The following CPA6 variants were observed in gnomAD, a reference collection of about 807,000 sequenced individuals.
CPA6 encodes the protein carboxypeptidase B.
In CPA6, 58 loss-of-function variants were observed where a neutral mutation model predicts 63.3. The observed-to-expected ratio is 0.92, with a 90% confidence interval of 0.74 to 1.14. The LOEUF is 1.14. Ranked by LOEUF, CPA6 falls within the 50% of genes most tolerant of loss-of-function variation. The pLI, the probability that CPA6 is intolerant of heterozygous loss-of-function variation, is 0.00. For missense variants in CPA6, 565 were observed against 526.6 expected (o/e 1.07, Z -0.71); for synonymous variants, 185 against 179.0 (o/e 1.03, Z -0.27).
intron 2 of CPA6, among the ~76,000 whole-genome samples, chr8:67,581,352 C>A (rs979842318): frequency 6.6e-6 from 1 of 151,952 alleles, no homozygotes; most frequent in Non-Finnish European, 1.5e-5. Context: ...TGGGGACTAG[C>A]CGTAATGTAC....
At chr8:67,713,774 TAAGAG>T (rs200592032) in intron 1 of CPA6, among the ~76,000 whole-genome samples, 1,696 of 152,360 alleles carry the variant, frequency 0.011, 26 homozygotes, top group African/African-American at 0.037. Flanking sequence ...TCTTTAATTC[TAAGAG>T]AAGACAGATT....
At chr8:67,726,966 T>A (rs558108491) in intron 1 of CPA6, among the ~76,000 whole-genome samples, 2 of 152,358 alleles carry the variant, frequency 1.3e-5, no homozygotes, top group South Asian at 4.1e-4. Context: ...TGATTCTTAT[T>A]TGCAATGATT....
chr8:67,619,599 G>A (rs993002151), intron 2 of CPA6, among the ~76,000 whole-genome samples: 2 of 152,162 alleles, frequency 1.3e-5, no homozygotes. Flanking sequence ...TCCCCACATT[G>A]TTCCTATAGA....
intron 2 of CPA6, among the ~76,000 whole-genome samples, chr8:67,623,001 T>C (rs1423515418): frequency 6.6e-6 from 1 of 152,238 alleles, no homozygotes; most frequent in Non-Finnish European, 1.5e-5. Flanking sequence ...AGAAATGCTC[T>C]AACTCTAAAA....
At chr8:67,675,524 T>C (rs1816452238) in intron 1 of CPA6, among the ~76,000 whole-genome samples, 1 of 152,196 alleles carries the variant, frequency 6.6e-6, no homozygotes, top group South Asian at 2.1e-4. Context: ...CCATCAAAAC[T>C]GACTCAGTGA....
At chr8:67,701,444 G>C (rs1817022775) in intron 1 of CPA6, among the ~76,000 whole-genome samples, 1 of 152,164 alleles carries the variant, frequency 6.6e-6, no homozygotes, top group African/African-American at 2.4e-5. Context: ...TAGTTTTGAA[G>C]GGACAGATAC....
At chr8:67,568,742 GT>G (rs796072051) in intron 2 of CPA6, among the ~76,000 whole-genome samples, 18 of 151,520 alleles carry the variant, frequency 1.2e-4, no homozygotes, top group South Asian at 2.1e-4. Context: ...GGGCCAGGAA[GT>G]TTTTTTTTAT....
chr8:67,479,007 C>G (rs1384531799), intron 8 of CPA6, among the ~76,000 whole-genome samples: 1 of 152,092 alleles, frequency 6.6e-6, no homozygotes, highest in Non-Finnish European at 1.5e-5. Context: ...GGCGACAGAG[C>G]AAGACTCTGT....
chr8:67,568,214 A>G (rs1233024569), intron 2 of CPA6, among the ~76,000 whole-genome samples: 1 of 152,182 alleles, frequency 6.6e-6, no homozygotes, highest in Non-Finnish European at 1.5e-5. Context: ...ATAAAGCCAT[A>G]AACACCAATG....
rs1443623826 is a variant in CPA6 at position 67,746,296 on chromosome 8, A to T, written c.-167T>A. The stretch of plus-strand genomic sequence containing the variant: ...TCTCTCCAGCTACAAGGGAAAAAAA[A>T]AGTTCAGGCAGCTGAGGAAGGGAAG... On this transcript the variant is annotated 5_prime_UTR_variant, in exon 1 of 11. Transcript: ENST00000297770. 2.1e-6 allele frequency: 1 copy of T among 482,608 alleles called. No homozygotes were observed. Among genetic ancestry groups the T allele is most frequent in the East Asian group, 3.2e-5 (1 of 31,690 alleles). The allele number at this position is 482,608 out of a possible 1,614,324, so 29.9% of individuals were successfully genotyped here.
chr8:67,721,879 G>A (rs1206137543), intron 1 of CPA6, among the ~76,000 whole-genome samples: 1 of 152,146 alleles, frequency 6.6e-6, no homozygotes, highest in Non-Finnish European at 1.5e-5. Flanking sequence ...CCGTACATAG[G>A]GAACCTTAAC....
intron 1 of CPA6, among the ~76,000 whole-genome samples, chr8:67,742,543 T>C (rs1817932906): frequency 6.6e-6 from 1 of 152,128 alleles, no homozygotes; most frequent in Non-Finnish European, 1.5e-5. Flanking sequence ...ATGCATAAGG[T>C]TGTTCTTAGA....
intron 2 of CPA6, among the ~76,000 whole-genome samples, chr8:67,623,709 C>T (rs1462512228): frequency 2.0e-5 from 3 of 152,152 alleles, no homozygotes; most frequent in South Asian, 2.1e-4. Flanking sequence ...GCTGAGACTA[C>T]AGGCATGAGC....
intron 2 of CPA6, among the ~76,000 whole-genome samples, chr8:67,521,476 T>G (rs1401042568): frequency 6.6e-6 from 1 of 152,184 alleles, no homozygotes; most frequent in Non-Finnish European, 1.5e-5. Context: ...TTAATTGGAA[T>G]CATAGAAGCA....
intron 2 of CPA6, among the ~76,000 whole-genome samples, chr8:67,549,865 A>G (rs908281767): frequency 2.0e-5 from 3 of 152,028 alleles, no homozygotes; most frequent in Admixed American, 2.0e-4. Flanking sequence ...TATAAACCAC[A>G]TTTTCTATGT....
At chr8:67,531,086 G>T (rs1017322501) in intron 2 of CPA6, among the ~76,000 whole-genome samples, 1 of 152,154 alleles carries the variant, frequency 6.6e-6, no homozygotes, top group Non-Finnish European at 1.5e-5. Context: ...GCTAGAGGAA[G>T]TTTCCAAAAC....
intron 1 of CPA6, among the ~76,000 whole-genome samples, chr8:67,638,476 C>T (rs192683538): frequency 1.8e-4 from 27 of 151,484 alleles, no homozygotes; most frequent in Non-Finnish European, 3.2e-4. Flanking sequence ...AGTAGTCATC[C>T]GGTTAGAAGT....
In CPA6 at chr8:67,654,174, G is replaced by A. The variant is rs558075652; in HGVS notation, c.117-29923C>T. On this transcript the variant is annotated intron_variant, in intron 1 of 10. Coordinates refer to ENST00000297770, the MANE Select transcript of CPA6 (RefSeq NM_020361.5). ...TTTTATTGAGGATTTTTGCATCAATGTTCATCAAGGATATTGGTCTAAAAT... is the reference window on the plus strand; with the variant it reads ...TTTTATTGAGGATTTTTGCATCAATATTCATCAAGGATATTGGTCTAAAAT... Among the ~76,000 whole-genome samples the A allele has an allele frequency of 1.7e-3, 252 of 152,264 alleles. 1 individual carries two copies. Among genetic ancestry groups the A allele is most frequent in the African/African-American group, 5.8e-3 (242 of 41,540 alleles).
intron 8 of CPA6, among the ~76,000 whole-genome samples, chr8:67,477,028 C>T (rs1811255499): frequency 2.6e-5 from 4 of 152,170 alleles, no homozygotes; most frequent in Middle Eastern, 3.4e-3. Context: ...CGGTGGCTCA[C>T]GTCTGTAATC....
Sources: allele counts gnomAD v4.1 joint callset (sites outside exome capture counted in the v4.1 genomes callset), GRCh38; gene constraint gnomAD v4.1.1; transcripts MANE v1.5; gene names NCBI Gene and HGNC (gene_info 2026-07-23, HGNC 2026-07-21).